KLC2: variants seen among roughly 807,000 people sequenced by gnomAD.
The protein encoded by KLC2 is kinesin light chain 2.
KLC2 carries 35 observed loss-of-function variants against 75.1 expected under a neutral mutation model. The ratio of observed to expected loss-of-function variants is 0.47; its 90% CI spans 0.36 to 0.62. The LOEUF is 0.62. KLC2 is among the 20% of genes least tolerant of loss of function. KLC2 has a pLI of 0.00. For synonymous variants in KLC2, 314 were observed against 336.7 expected (o/e 0.93, Z 0.74); for missense variants, 611 against 833.2 (o/e 0.73, Z 3.28).
chr11:66,255,034 C>T (rs1427213078), upstream of KLC2, among the ~76,000 whole-genome samples: 1 of 152,252 alleles, frequency 6.6e-6, no homozygotes, highest in East Asian at 1.9e-4. Context: ...GATTTTGAAA[C>T]CCAGTGTCAT....
Position 66,266,009 on chromosome 11 carries a change from T to C in KLC2, c.1599T>C (p.Asn533=). The part of the protein sequence containing the change: ...LEDVGPTAEW[N]GDGSGSLRRS... ...ACGTGGGACCTACAGCTGAGTGGAA[T>C]GGGGTGAGTCCGGGGCCTGGGCCGG... The change falls in exon 13 of 16, where the codon AAT becomes AAC. Residue 533 remains asparagine (N), a synonymous_variant. Transcript: ENST00000394067. The C allele has an allele frequency of 6.2e-7, 1 of 1,612,788 alleles. No individual in the cohort carries two copies. The highest frequency in any genetic ancestry group is 8.5e-7 in the Non-Finnish European group (1 of 1,179,186).
chr11:66,247,732 T>C, the KLC2 span, among the ~76,000 whole-genome samples: 6 of 152,234 alleles, frequency 3.9e-5, no homozygotes, highest in Admixed American at 2.0e-4. Context: ...TTTTTCCCTG[T>C]TGTATCCTTG....
At chr11:66,246,810 T>C in the KLC2 span, among the ~76,000 whole-genome samples, 1 of 152,218 alleles carries the variant, frequency 6.6e-6, no homozygotes, top group Non-Finnish European at 1.5e-5. Flanking sequence ...ATCAGTAGCA[T>C]TGGATGCAAA....
At chr11:66,266,706 T>C in intron 15 of KLC2, 167 bp from the exon 16 acceptor site, 2 of 836,586 alleles carry the variant, frequency 2.4e-6, no homozygotes, top group Non-Finnish European at 4.1e-6. Context: ...ACTGTGGAGA[T>C]GGACGGGAGT....
At chr11:66,255,282 C>T (rs980188607), upstream of KLC2, among the ~76,000 whole-genome samples, 1 of 152,248 alleles carries the variant, frequency 6.6e-6, no homozygotes, top group Non-Finnish European at 1.5e-5. Flanking sequence ...CCTCCACCTC[C>T]TGGCTTGAGC....
chr11:66,262,911 C>T lies in KLC2; in HGVS notation c.627C>T (p.Ala209=), dbSNP rs757464199. Residue 209 remains alanine, a synonymous_variant, in exon 5 of 16, where the codon GCC becomes GCT. Transcript: ENST00000394067. ...TGCACAACCTGGTGATCCAATACGC[C>T]TCACAGGGCCGCTACGAGGTAGCTG... is the stretch of plus-strand genomic sequence containing the variant. ...RTLHNLVIQY[A]SQGRYEVAVP... 2 of 1,613,946 alleles carry T rather than the reference C, an allele frequency of 1.2e-6. No homozygotes were observed. Among genetic ancestry groups the T allele is most frequent in the Non-Finnish European group, 1.7e-6 (2 of 1,179,968 alleles).
rs1315790439 is a variant in KLC2 at position 66,267,183 on chromosome 11, C to T, written c.*227C>T. ...TTATTCCTTCCAGCAGGGCCCTCTT[C>T]CCTAGGTTCGGGCCAGCAGGAGGTG... is the stretch of plus-strand genomic sequence containing the variant. On this transcript the variant is annotated 3_prime_UTR_variant, in exon 16 of 16. Transcript: ENST00000394067. 16 of 1,549,398 alleles carry T rather than the reference C, an allele frequency of 1.0e-5. No individual in the cohort carries two copies. Among genetic ancestry groups the T allele is most frequent in the South Asian group, 1.2e-5 (1 of 83,968 alleles).
chr11:66,266,630 G>C, intron 15 of KLC2, 140 bp downstream of exon 15: 1 of 979,268 alleles, frequency 1.0e-6, no homozygotes, highest in Middle Eastern at 2.1e-4. Context: ...TGGACAACGG[G>C]GAGACACGAG....
the KLC2 span, among the ~76,000 whole-genome samples, chr11:66,252,276 CTTTT>C: frequency 7.0e-6 from 1 of 143,862 alleles, no homozygotes; most frequent in Admixed American, 6.8e-5. Flanking sequence ...GCCTTTATGC[CTTTT>C]TTGTTTGTTT....
In KLC2 at chr11:66,264,442, A is replaced by G. The variant is rs756037562; in HGVS notation, c.1214A>G (p.Asn405Ser). ...CATGAGAAAGAGTTTGGCTCTGTCA[A>G]TGGTGAGTGCGTGGTCACCAGGTGC... is the stretch of plus-strand genomic sequence containing the variant. ...RAHEKEFGSV[N>S]GDNKPIWMHA... The change falls in exon 9 of 16, where the codon AAT (asparagine) becomes AGT (serine). Residue 405 changes from asparagine (N) to serine (S), a missense_variant and splice_region_variant. By Grantham distance (46) the Asn-to-Ser change is conservative (BLOSUM62 1). Transcript: ENST00000394067. 1.2e-6 allele frequency: 2 copies of G among 1,610,486 alleles called. No individual in the cohort carries two copies. The highest frequency in any genetic ancestry group is 1.7e-6 in the Non-Finnish European group (2 of 1,177,462).
chr11:66,258,444 C>T (rs1212902884), intron 1 of KLC2, 140 bp from the exon 2 acceptor site: 3 of 616,252 alleles, frequency 4.9e-6, no homozygotes, highest in East Asian at 2.8e-5. Context: ...CAAGCGCGGG[C>T]ACGGTGCGGG....
chr11:66,251,069 G>A, the KLC2 span, among the ~76,000 whole-genome samples: 1 of 152,166 alleles, frequency 6.6e-6, no homozygotes. Context: ...AGATGAGCTT[G>A]AAGGGTGCAG....
chr11:66,261,792 G>A lies in KLC2; in HGVS notation c.279G>A (p.Gln93=), dbSNP rs1856445468. 1 of 1,612,908 alleles carries A rather than the reference G, an allele frequency of 6.2e-7. No homozygotes were observed. The highest frequency in any genetic ancestry group is 8.5e-7 in the Non-Finnish European group (1 of 1,179,994). ...SHLGAVESEK[Q]KLRAQVRRLV... is the part of the protein sequence containing the mutation. ...TGGGGGCTGTAGAATCAGAGAAGCA[G>A]AAGCTGCGGGCGCAGGTGCGGCGTC... Residue 93 remains glutamine, a synonymous_variant, in exon 3 of 16, where the codon CAG becomes CAA. Transcript: ENST00000394067.
At chr11:66,254,359 C>T (rs943330024), upstream of KLC2, among the ~76,000 whole-genome samples, 1 of 150,626 alleles carries the variant, frequency 6.6e-6, no homozygotes, top group African/African-American at 2.4e-5. Context: ...ACAGGCACCA[C>T]TTAAGCTTTA....
chr11:66,253,656 AAC>A (rs1455667277), upstream of KLC2, among the ~76,000 whole-genome samples: 1 of 152,238 alleles, frequency 6.6e-6, no homozygotes, highest in Non-Finnish European at 1.5e-5. Flanking sequence ...AGGATGAAGT[AAC>A]AGTCTCTTCC....
rs1174301312 is a variant in KLC2, at chr11:66,264,438, G to A, written c.1210G>A (p.Val404Ile). 1.2e-6 allele frequency: 2 copies of A among 1,612,008 alleles called. No homozygotes were observed. The highest frequency in any genetic ancestry group is 1.7e-6 in the Non-Finnish European group (2 of 1,178,736). The change falls in exon 9 of 16, where the codon GTC becomes ATC. Residue 404 changes from valine (V) to isoleucine (I), a missense_variant. Coordinates refer to ENST00000394067, the MANE Select transcript of KLC2 (RefSeq NM_001318734.2). ...TRAHEKEFGS[V>I]NGDNKPIWMH... The stretch of plus-strand genomic sequence containing the variant: ...CGCTCATGAGAAAGAGTTTGGCTCT[G>A]TCAATGGTGAGTGCGTGGTCACCAG...
At chr11:66,255,555 G>A (rs558767359), upstream of KLC2, among the ~76,000 whole-genome samples, 8 of 152,148 alleles carry the variant, frequency 5.3e-5, no homozygotes, top group East Asian at 5.8e-4. Flanking sequence ...GATCCCAAAC[G>A]CAACAGACCC....
chr11:66,258,159 G>C (rs1856139755), intron 1 of KLC2: 1 of 173,070 alleles, frequency 5.8e-6, no homozygotes, highest in Non-Finnish European at 1.2e-5. Flanking sequence ...CGCAGGGTCG[G>C]CTCGTCGGGA....
At position 66,266,865 on chromosome 11, in the gene KLC2, G is replaced by A; in HGVS notation, c.1786-8G>A. 6.2e-7 allele frequency: 1 copy of A among 1,612,996 alleles called. No homozygotes were observed. The highest frequency in any genetic ancestry group is 8.5e-7 in the Non-Finnish European group (1 of 1,179,940). ...CAGGGCTGAGCCACCTGCCCCCTCT[G>A]CCCACAGCCTGGAGGCACAGGTCTC... is the stretch of plus-strand genomic sequence containing the variant. On this transcript the variant is annotated splice_polypyrimidine_tract_variant and splice_region_variant and intron_variant, in intron 15 of 15. Coordinates refer to ENST00000394067, the MANE Select transcript of KLC2 (RefSeq NM_001318734.2).
Sources: gnomAD v4.1 joint callset for allele counts (sites outside exome capture counted in the v4.1 genomes callset) on GRCh38, gnomAD v4.1.1 for gene constraint, MANE v1.5 for transcripts, NCBI Gene and HGNC (gene_info 2026-07-23, HGNC 2026-07-21) for gene names.